Variants in HYDIN observed in about 807,000 individuals in gnomAD.
HYDIN encodes HYDIN axonemal central pair apparatus protein, also known as axonemal central pair apparatus protein HYDIN.
In HYDIN, 132 loss-of-function variants were observed where a neutral mutation model predicts 403.9. The ratio of observed to expected loss-of-function variants is 0.33; its 90% CI spans 0.28 to 0.38. The LOEUF (loss-of-function observed/expected upper bound fraction) is 0.38, where lower values mean the gene tolerates loss of function less well. HYDIN is among the 10% of genes least tolerant of loss of function. The pLI is 1.00. For synonymous variants in HYDIN, 1,202 were observed against 1,891.7 expected, an observed-to-expected ratio of 0.64 and a Z score of 9.46; for missense variants, 2,827 against 5,009.5, an observed-to-expected ratio of 0.56 and a Z score of 13.15.
chr16:71,139,589 AAT>A (rs2085088679), intron 7 of HYDIN, among the ~76,000 whole-genome samples: 1 of 152,048 alleles, frequency 6.6e-6, no homozygotes, highest in Non-Finnish European at 1.5e-5. Context: ...ACAGAAATAA[AAT>A]AGTCTAAATT....
chr16:70,961,865 G>A (rs1354547), intron 38 of HYDIN, 94 bp downstream of exon 38: 21 of 947,274 alleles, frequency 2.2e-5, no homozygotes, highest in Middle Eastern at 2.6e-4. Context: ...GGAGCCATAC[G>A]AGGAGGCTTA....
intron 47 of HYDIN, among the ~76,000 whole-genome samples, chr16:70,909,500 C>T (rs1450261583): frequency 7.9e-5 from 9 of 113,418 alleles, no homozygotes; most frequent in Non-Finnish European, 1.8e-4. Context: ...ACTTTTTCTC[C>T]TGAGCCATTT....
intron 75 of HYDIN, among the ~76,000 whole-genome samples, chr16:70,845,639 T>C (rs1307350709): frequency 7.6e-6 from 1 of 131,640 alleles, no homozygotes; most frequent in Non-Finnish European, 1.5e-5. Flanking sequence ...CTTGTACCTC[T>C]GGTAGAATTC....
rs2035224601 is a variant in HYDIN, at chr16:70,808,212, C to T, written c.14884-150G>A. 5 of 852,306 alleles carry T rather than the reference C, an allele frequency of 5.9e-6. No individual in the cohort carries two copies. In the East Asian group the frequency reaches 1.3e-4, roughly 22 times the overall value. 52.8% of individuals were successfully genotyped at this position (852,306 alleles called of 1,614,324 possible). ...TTATAAAGTTGTGTCCTTATAACTCCCTTGTAGGGTAGGTATTACTAATTA... is the reference window on the plus strand; with the variant it reads ...TTATAAAGTTGTGTCCTTATAACTCTCTTGTAGGGTAGGTATTACTAATTA... On this transcript the variant is annotated intron_variant, in intron 85 of 85. Coordinates refer to ENST00000393567, the MANE Select transcript of HYDIN (RefSeq NM_001270974.2).
rs558029814 is a variant in HYDIN, at chr16:70,970,718, A to G, written c.5421T>C (p.Ser1807=). Residue 1807 remains serine, a synonymous_variant, in exon 36 of 86, where the codon AGT becomes AGC. Transcript: ENST00000393567. ...GTGCCAGGAGGGTAAGCTTTTGAGC[A>G]CTCTGGGCAATCTGAAACACCAGGG... ...SQTLVFQIAQ[S]AQKLTLLARG... 5.3e-6 allele frequency: 8 copies of G among 1,511,620 alleles called. No individual in the cohort carries two copies. The highest frequency in any genetic ancestry group is 2.1e-5 in the Admixed American group (1 of 47,022). 93.6% of individuals were successfully genotyped at this position (1,511,620 alleles called of 1,614,324 possible).
chr16:71,086,928 C>T (rs1223129503), intron 12 of HYDIN, among the ~76,000 whole-genome samples: 3 of 150,702 alleles, frequency 2.0e-5, no homozygotes, highest in Non-Finnish European at 4.4e-5. Context: ...TATTCCCACC[C>T]TTCTCATGTT....
intron 18 of HYDIN, among the ~76,000 whole-genome samples, chr16:71,037,306 C>T (rs1369068136): frequency 6.8e-6 from 1 of 146,036 alleles, no homozygotes; most frequent in Non-Finnish European, 1.5e-5. Flanking sequence ...ACGTGACATA[C>T]AATTATCAGC....
intron 83 of HYDIN, among the ~76,000 whole-genome samples, chr16:70,819,711 A>G (rs2143461733): frequency 6.7e-6 from 1 of 148,906 alleles, no homozygotes; most frequent in East Asian, 2.0e-4. Flanking sequence ...CCTTTGTAAC[A>G]CATTGGGTTG....
At position 70,825,586 on chromosome 16, in the gene HYDIN, G is replaced by A. The variant is rs201220772; in HGVS notation, c.14427+1675C>T. On this transcript the variant is annotated intron_variant, in intron 83 of 85. Transcript: ENST00000393567. ...CATACCATACAATCCCTCATTTAAA[G>A]TGTTCTATTTAGTGGTTTGTAGTAT... Among the ~76,000 whole-genome samples the A allele has an allele frequency of 1.2e-3, 171 of 138,446 alleles. 4 individuals are homozygous for A. In the East Asian group the frequency reaches 0.028, roughly 23 times the overall value. The allele number at this position is 138,446 out of a possible 152,430, so 90.8% of individuals were successfully genotyped here. A position where few individuals can be genotyped will look rare whatever the true frequency, so the allele number is the denominator to read the frequency against.
intron 18 of HYDIN, among the ~76,000 whole-genome samples, chr16:71,049,919 A>C (rs1468902103): frequency 6.9e-6 from 1 of 144,982 alleles, no homozygotes; most frequent in Non-Finnish European, 1.5e-5. Flanking sequence ...CAACAGAGAG[A>C]GATGAAGAGG....
chr16:71,106,507 A>T (rs1414963972), intron 10 of HYDIN, among the ~76,000 whole-genome samples: 16 of 152,124 alleles, frequency 1.1e-4, no homozygotes. Context: ...ATGCTTTCTC[A>T]GGGCAGGAAC....
intron 65 of HYDIN, among the ~76,000 whole-genome samples, chr16:70,871,649 C>A (rs1272723919): frequency 6.6e-6 from 1 of 151,072 alleles, no homozygotes; most frequent in Non-Finnish European, 1.5e-5. Context: ...CACTTGTCCA[C>A]AGAACCCATC....
chr16:70,850,016 A>G, intron 74 of HYDIN, 69 bp from the exon 75 acceptor site: 1 of 593,376 alleles, frequency 1.7e-6, no homozygotes, highest in East Asian at 2.8e-5. Context: ...CATTTGTAAC[A>G]TGTTGATGAA....
chr16:70,945,624 G>C (rs962723174), intron 41 of HYDIN, among the ~76,000 whole-genome samples: 2 of 152,192 alleles, frequency 1.3e-5, no homozygotes, highest in African/African-American at 4.8e-5. Flanking sequence ...CAATGACTAG[G>C]AATTTGGAGA....
At chr16:70,949,510 T>C (rs145973320) in intron 41 of HYDIN, among the ~76,000 whole-genome samples, 5,680 of 152,288 alleles carry the variant, frequency 0.037, 180 homozygotes, top group Non-Finnish European at 0.058. Flanking sequence ...TCAGGATTTC[T>C]AACTGGTGCT....
intron 39 of HYDIN, among the ~76,000 whole-genome samples, chr16:70,957,328 A>AT (rs567388952): frequency 0.43 from 58,606 of 137,350 alleles, 13,220 homozygotes; most frequent in East Asian, 0.6. Context: ...TTTCCTTCCT[A>AT]TTTTTTTTTT....
intron 7 of HYDIN, among the ~76,000 whole-genome samples, chr16:71,148,799 C>T (rs2144566771): frequency 7.1e-6 from 1 of 141,764 alleles, no homozygotes; most frequent in Non-Finnish European, 1.5e-5. Flanking sequence ...CACTCTGTCA[C>T]CCAGGCTGGA....
chr16:71,052,996 ACAAAG>A (rs1404712235), intron 18 of HYDIN, among the ~76,000 whole-genome samples: 1 of 151,496 alleles, frequency 6.6e-6, no homozygotes, highest in Non-Finnish European at 1.5e-5. Flanking sequence ...AAACTTCATT[ACAAAG>A]AAAGGGCTAG....
In HYDIN at chr16:70,853,331, A is replaced by C. The variant is rs896047786; in HGVS notation, c.12443+1797T>G. Reference sequence around the variant, plus strand: ...TTTTTTCTTTTTTTTTTCTGGAAACATGCCATTATCGTATGTCCATTAATT... The same window carrying C: ...TTTTTTCTTTTTTTTTTCTGGAAACCTGCCATTATCGTATGTCCATTAATT... On this transcript the variant is annotated intron_variant, in intron 73 of 85. Coordinates refer to ENST00000393567, the MANE Select transcript of HYDIN (RefSeq NM_001270974.2). Among the ~76,000 whole-genome samples, 184 of 151,814 alleles carry C rather than the reference A, an allele frequency of 1.2e-3. 1 individual carries two copies. Among genetic ancestry groups the C allele is most frequent in the Admixed American group, 2.8e-3 (43 of 15,250 alleles).
Sources: allele counts gnomAD v4.1 joint callset (sites outside exome capture counted in the v4.1 genomes callset), GRCh38; gene constraint gnomAD v4.1.1; transcripts MANE v1.5; gene names NCBI Gene and HGNC (gene_info 2026-07-23, HGNC 2026-07-21).